The following EYA1 variants were observed in gnomAD, a reference collection of about 807,000 sequenced individuals.
EYA1 encodes protein phosphatase EYA1.
Under a neutral mutation model 82.0 loss-of-function variants are expected in EYA1, and 16 were observed. The ratio of observed to expected loss-of-function variants is 0.20; its 90% CI spans 0.13 to 0.30. The LOEUF (loss-of-function observed/expected upper bound fraction) is 0.30. EYA1 is among the 10% of genes least tolerant of loss of function. The probability of loss-of-function intolerance (pLI) is 1.00; values close to 1 mark genes in which losing one functional copy is unlikely to be tolerated. For missense variants in EYA1, 633 were observed against 730.7 expected (o/e 0.87, Z 1.54); for synonymous variants, 261 against 264.4 (o/e 0.99, Z 0.12).
chr8:71,446,220 T>G (rs371974566), intron 2 of EYA1, among the ~76,000 whole-genome samples: 1 of 152,134 alleles, frequency 6.6e-6, no homozygotes, highest in East Asian at 1.9e-4. Flanking sequence ...TGAATTATAA[T>G]CTCCATAATC....
chr8:71,371,383 C>T (rs1828072066), intron 2 of EYA1, among the ~76,000 whole-genome samples: 1 of 152,106 alleles, frequency 6.6e-6, no homozygotes, highest in Non-Finnish European at 1.5e-5. Flanking sequence ...CAGTGATCAT[C>T]CAGGAAGGAG....
chr8:71,468,736 G>A (rs374793489), intron 2 of EYA1, among the ~76,000 whole-genome samples: 6 of 151,860 alleles, frequency 4.0e-5, no homozygotes, highest in African/African-American at 1.5e-4. Flanking sequence ...CAGTAATTCC[G>A]GGTTCACCAT....
At chr8:71,407,432 C>T (rs372728526) in intron 2 of EYA1, among the ~76,000 whole-genome samples, 9 of 147,264 alleles carry the variant, frequency 6.1e-5, no homozygotes, top group East Asian at 2.0e-4. Context: ...CTCTGAGCTA[C>T]GGGAGGACAT....
At chr8:71,332,461 A>G (rs1428778136) in intron 4 of EYA1, among the ~76,000 whole-genome samples, 1 of 152,040 alleles carries the variant, frequency 6.6e-6, no homozygotes, top group Admixed American at 6.6e-5. Flanking sequence ...CCCTATACCC[A>G]TTGGTCACTG....
At position 71,438,737 on chromosome 8, in the gene EYA1, C is replaced by T. The variant is rs905742772; in HGVS notation, c.34-82226G>A. Among the ~76,000 whole-genome samples, 7 of 152,160 alleles carry T rather than the reference C, an allele frequency of 4.6e-5. No individual in the cohort carries two copies. In the East Asian group the frequency reaches 7.7e-4, roughly 17 times the overall value. ...AGTAACTATGACACATACAAGAACACGACTGAGACAGGCAATGCCACAGTG... is the reference window on the plus strand; with the variant it reads ...AGTAACTATGACACATACAAGAACATGACTGAGACAGGCAATGCCACAGTG... On this transcript the variant is annotated intron_variant, in intron 2 of 18. Transcript: ENST00000643681.
rs559831714 is a variant in EYA1 at position 71,489,512 on chromosome 8, C to A, written c.33+46232G>T. On this transcript the variant is annotated intron_variant, in intron 2 of 18. Coordinates refer to the EYA1 transcript ENST00000643681. ...TGTTAAATACCATTCTGCTCACTAA[C>A]CTTTACACATAAGCCTGTTTTATCT... 7.9e-5 allele frequency among the ~76,000 whole-genome samples: 12 copies of A among 152,326 alleles called. No individual in the cohort carries two copies. The South Asian group carries it at 1.7e-3, about 21-fold the overall frequency.
rs979889982 is a variant in EYA1, at chr8:71,211,234, T to A, written c.1620A>T (p.Arg540Ser). 3 of 1,612,194 alleles carry A rather than the reference T, an allele frequency of 1.9e-6. No individual in the cohort carries two copies. Among genetic ancestry groups the A allele is most frequent in the Non-Finnish European group, 2.5e-6 (3 of 1,178,506 alleles). The change falls in exon 17 of 18, where the codon AGA becomes AGT. Residue 540 changes from arginine (R) to serine (S), a missense_variant. Physicochemically the swap from Arg to Ser is moderately radical, Grantham distance 110. Transcript: ENST00000340726. ...CTTTTCTTCCAAACCTTTGAATTAT[T>A]CTCTCAAAACAGCTTTCTTTTCCTA... ...TKIGKESCFE[R>S]IIQRFGRKVV...
chr8:71,466,088 A>C (rs1225476816), intron 2 of EYA1, among the ~76,000 whole-genome samples: 1 of 152,164 alleles, frequency 6.6e-6, no homozygotes, highest in Non-Finnish European at 1.5e-5. Context: ...TGTTTTATTA[A>C]AAGGTTTGAG....
intron 12 of EYA1, among the ~76,000 whole-genome samples, chr8:71,222,086 C>G (rs980262404): frequency 5.9e-5 from 9 of 152,146 alleles, no homozygotes; most frequent in Non-Finnish European, 8.8e-5. Flanking sequence ...TGTTCTAAAG[C>G]CTTTTTCAGA....
chr8:71,446,184 G>A (rs1393716162), intron 2 of EYA1, among the ~76,000 whole-genome samples: 1 of 152,060 alleles, frequency 6.6e-6, no homozygotes, highest in Non-Finnish European at 1.5e-5. Flanking sequence ...ATATGCTTTG[G>A]TTGTGTTCCC....
At chr8:71,366,114 CTTG>C (rs1827737047), upstream of EYA1, among the ~76,000 whole-genome samples, 1 of 151,808 alleles carries the variant, frequency 6.6e-6, no homozygotes, top group Non-Finnish European at 1.5e-5. Flanking sequence ...GGGTGTGAAA[CTTG>C]TTATCCTATG....
intron 2 of EYA1, among the ~76,000 whole-genome samples, chr8:71,367,890 T>G (rs2129086179): frequency 6.6e-6 from 1 of 152,342 alleles, no homozygotes; most frequent in Non-Finnish European, 1.5e-5. Flanking sequence ...GTTCAAATAC[T>G]TAAAACAGAA....
At chr8:71,300,546 C>A (rs1436936662) in intron 7 of EYA1, among the ~76,000 whole-genome samples, 3 of 152,062 alleles carry the variant, frequency 2.0e-5, no homozygotes, top group Admixed American at 6.5e-5. Context: ...TACATAGGCA[C>A]AATCTTTCTG....
intron 2 of EYA1, among the ~76,000 whole-genome samples, chr8:71,412,242 G>T (rs1013643490): frequency 1.0e-4 from 11 of 107,008 alleles, no homozygotes; most frequent in African/African-American, 2.1e-4. Context: ...GGTGGGGGGA[G>T]GGGGGAGGGA....
intron 2 of EYA1, among the ~76,000 whole-genome samples, chr8:71,386,065 C>A (rs143264994): frequency 6.6e-6 from 1 of 152,114 alleles, no homozygotes; most frequent in Admixed American, 6.6e-5. Context: ...ATTACTTTCA[C>A]GCCACTTAGG....
At chr8:71,347,612 T>C (rs973369525) in intron 3 of EYA1, among the ~76,000 whole-genome samples, 2 of 152,078 alleles carry the variant, frequency 1.3e-5, no homozygotes, top group Non-Finnish European at 2.9e-5. Flanking sequence ...TGAGGATAAA[T>C]GTATGTAGAG....
intron 2 of EYA1, among the ~76,000 whole-genome samples, chr8:71,447,247 C>T (rs1255583215): frequency 6.6e-6 from 1 of 152,028 alleles, no homozygotes; most frequent in Non-Finnish European, 1.5e-5. Context: ...ATACATCTTG[C>T]CTTAGACTTC....
intron 2 of EYA1, among the ~76,000 whole-genome samples, chr8:71,406,478 A>C (rs980106060): frequency 2.0e-5 from 3 of 152,178 alleles, no homozygotes; most frequent in African/African-American, 7.2e-5. Flanking sequence ...TCATCTCACT[A>C]GGGAGTGCCA....
intron 17 of EYA1, among the ~76,000 whole-genome samples, chr8:71,199,828 AT>A (rs1268148529): frequency 6.6e-6 from 1 of 152,120 alleles, no homozygotes; most frequent in African/African-American, 2.4e-5. Context: ...AGTAGTTTAC[AT>A]TTTTTCTAAC....
Sources: gnomAD v4.1 joint callset for allele counts (sites outside exome capture counted in the v4.1 genomes callset) on GRCh38, gnomAD v4.1.1 for gene constraint, MANE v1.5 for transcripts, NCBI Gene and HGNC (gene_info 2026-07-23, HGNC 2026-07-21) for gene names.